The following HLCS variants were observed in gnomAD, a reference collection of about 807,000 sequenced individuals.
HLCS encodes holocarboxylase synthetase.
HLCS carries 53 observed loss-of-function variants against 75.0 expected under a neutral mutation model. The ratio of observed to expected loss-of-function variants is 0.71; its 90% CI spans 0.57 to 0.89. The LOEUF (loss-of-function observed/expected upper bound fraction) is 0.89, where lower values mean the gene tolerates loss of function less well. Among genes scored for constraint, HLCS ranks in the 40% least tolerant of loss-of-function variants. The pLI, the probability that HLCS is intolerant of heterozygous loss-of-function variation, is 0.00. For missense variants in HLCS, 966 were observed against 1,074.0 expected (o/e 0.90, Z 1.41); for synonymous variants, 431 against 428.6 (o/e 1.01, Z -0.07).
chr21:36,839,182 T>C (rs2062528880), intron 6 of HLCS, among the ~76,000 whole-genome samples: 1 of 152,184 alleles, frequency 6.6e-6, no homozygotes, highest in African/African-American at 2.4e-5. Context: ...GCTGTGCAAA[T>C]ACACACGGCT....
chr21:36,780,961 G>A (rs2060512043), intron 6 of HLCS, among the ~76,000 whole-genome samples: 1 of 102,004 alleles, frequency 9.8e-6, no homozygotes, highest in Non-Finnish European at 1.8e-5. Flanking sequence ...CTGCACAGCA[G>A]GAGGTGAGAA....
chr21:36,897,105 C>A lies in HLCS; in HGVS notation c.1647G>T (p.Trp549Cys), dbSNP rs570264658. The change falls in exon 6 of 11, where the codon TGG becomes TGT. Residue 549 changes from tryptophan (W) to cysteine (C), a missense_variant. Physicochemically the swap from Trp to Cys is radical, Grantham distance 215. Coordinates refer to ENST00000674895, the MANE Select transcript of HLCS (RefSeq NM_001352514.2). Reference sequence around the variant, plus strand: ...CCTCGGAGTCCACATGTTTCCCAAGCCACTGCATAAGAGGATCCCTGATTT... The same window carrying A: ...CCTCGGAGTCCACATGTTTCCCAAGACACTGCATAAGAGGATCCCTGATTT... ...AEEIRDPLMQ[W>C]LGKHVDSEGE... The A allele has an allele frequency of 6.2e-7, 1 of 1,614,112 alleles. No individual in the cohort carries two copies. The highest frequency in any genetic ancestry group is 2.2e-5 in the East Asian group (1 of 44,884).
intron 5 of HLCS, among the ~76,000 whole-genome samples, chr21:36,897,523 T>G (rs2146337979): frequency 6.6e-6 from 1 of 152,262 alleles, no homozygotes; most frequent in South Asian, 2.1e-4. Flanking sequence ...TTATCCTATT[T>G]GCAAAAACAA....
intron 1 of HLCS, chr21:36,980,607 G>C (rs990032861): frequency 1.3e-5 from 2 of 152,350 alleles, no homozygotes; most frequent in Non-Finnish European, 2.9e-5. Context: ...GGACACCCGA[G>C]TCCCCAGAGC....
chr21:36,895,140 G>C (rs991019462), intron 6 of HLCS, among the ~76,000 whole-genome samples: 1 of 152,054 alleles, frequency 6.6e-6, no homozygotes, highest in African/African-American at 2.4e-5. Context: ...GCAATGACAC[G>C]AAATATTCTT....
At chr21:36,885,153 A>G (rs760952503) in intron 6 of HLCS, among the ~76,000 whole-genome samples, 1 of 152,186 alleles carries the variant, frequency 6.6e-6, no homozygotes, top group East Asian at 1.9e-4. Context: ...GCAACAAACA[A>G]TTGGTTCTAG....
chr21:36,825,659 AGCG>A (rs1341134738), intron 6 of HLCS, among the ~76,000 whole-genome samples: 2 of 152,202 alleles, frequency 1.3e-5, no homozygotes, highest in African/African-American at 4.8e-5. Context: ...TGGCAGAGCT[AGCG>A]TAAGGCAGAG....
chr21:36,771,265 G>T (rs1018748957), intron 6 of HLCS, among the ~76,000 whole-genome samples: 40 of 145,738 alleles, frequency 2.7e-4, no homozygotes, highest in Non-Finnish European at 5.2e-4. Context: ...AAAATAAAAA[G>T]AAACAAGACA....
At chr21:36,875,614 C>T (rs181225482) in intron 6 of HLCS, among the ~76,000 whole-genome samples, 8 of 152,188 alleles carry the variant, frequency 5.3e-5, no homozygotes, top group African/African-American at 1.9e-4. Context: ...CTCATCGGGA[C>T]GATCTGCCTG....
At chr21:36,892,676 T>C (rs934722005) in intron 6 of HLCS, among the ~76,000 whole-genome samples, 1 of 152,186 alleles carries the variant, frequency 6.6e-6, no homozygotes, top group African/African-American at 2.4e-5. Context: ...CTGCTGGCTG[T>C]TCCCCACTGT....
rs972524174 is a variant in HLCS at position 36,937,539 on chromosome 21, C to T, written c.494-147G>A. The T allele has an allele frequency of 1.5e-5, 11 of 754,974 alleles. No homozygotes were observed. The African/African-American group carries it at 1.7e-4, about 12-fold the overall frequency. 46.8% of individuals were successfully genotyped at this position (754,974 alleles called of 1,614,324 possible). ...CTGGCACGGCTCCCACCTGCATCCCCCCTCAACTCGGGGGCATCCTTTGGA... is the reference window on the plus strand; with the variant it reads ...CTGGCACGGCTCCCACCTGCATCCCTCCTCAACTCGGGGGCATCCTTTGGA... On this transcript the variant is annotated intron_variant, in intron 3 of 10. Coordinates refer to ENST00000674895, the MANE Select transcript of HLCS (RefSeq NM_001352514.2).
intron 2 of HLCS, among the ~76,000 whole-genome samples, chr21:36,952,828 C>A (rs1005108855): frequency 1.3e-5 from 2 of 151,074 alleles, no homozygotes; most frequent in Non-Finnish European, 3.0e-5. Flanking sequence ...AAGTAACCAC[C>A]ATTCAGCAAG....
At chr21:36,810,174 A>G (rs2061471875) in intron 6 of HLCS, among the ~76,000 whole-genome samples, 2 of 152,178 alleles carry the variant, frequency 1.3e-5, no homozygotes, top group South Asian at 4.1e-4. Context: ...TGGTTCTTCA[A>G]ATGTTGGTTA....
chr21:36,970,665 A>G (rs35662085), upstream of HLCS, among the ~76,000 whole-genome samples: 93,070 of 151,098 alleles, frequency 0.62, 28,905 homozygotes, highest in East Asian at 0.74. Flanking sequence ...CACCGTGCCC[A>G]GCCTGGGATA....
In HLCS at chr21:36,751,034, T is replaced by G. The variant is rs990322954; in HGVS notation, c.*3212A>C. ...AATAATACGTCAAAAAAAAAAACAC[T>G]TGGCTTCTTAATACTTGGAAATACG... On this transcript the variant is annotated 3_prime_UTR_variant, in exon 11 of 11. Coordinates refer to ENST00000674895, the MANE Select transcript of HLCS (RefSeq NM_001352514.2). 18 of 152,144 alleles carry G rather than the reference T, an allele frequency of 1.2e-4. No individual in the cohort carries two copies. Among genetic ancestry groups the G allele is most frequent in the Non-Finnish European group, 1.5e-4 (10 of 67,982 alleles). The allele number at this position is 152,144 out of a possible 1,614,324, so 9.4% of individuals were successfully genotyped here.
intron 8 of HLCS, among the ~76,000 whole-genome samples, chr21:36,764,378 A>G (rs1165320855): frequency 6.6e-6 from 1 of 151,876 alleles, no homozygotes; most frequent in East Asian, 1.9e-4. Flanking sequence ...GCTTGGTGAC[A>G]AAGTGAGACT....
chr21:36,783,335 G>T (rs1346293761), intron 6 of HLCS, among the ~76,000 whole-genome samples: 1 of 152,156 alleles, frequency 6.6e-6, no homozygotes, highest in Non-Finnish European at 1.5e-5. Context: ...AAAGACTGGG[G>T]TTCTAAAACC....
chr21:36,790,489 C>G (rs1204991307), intron 6 of HLCS, among the ~76,000 whole-genome samples: 2 of 152,142 alleles, frequency 1.3e-5, no homozygotes, highest in African/African-American at 2.4e-5. Flanking sequence ...AACAAACACA[C>G]CAAAATCATG....
At chr21:36,869,171 C>T (rs569326926) in intron 6 of HLCS, among the ~76,000 whole-genome samples, 1 of 152,222 alleles carries the variant, frequency 6.6e-6, no homozygotes, top group East Asian at 1.9e-4. Context: ...GTCACCCAGG[C>T]TGGAGTGCAG....
Sources: gnomAD v4.1 joint callset for allele counts (sites outside exome capture counted in the v4.1 genomes callset) on GRCh38, gnomAD v4.1.1 for gene constraint, MANE v1.5 for transcripts, NCBI Gene and HGNC (gene_info 2026-07-23, HGNC 2026-07-21) for gene names.